GHR: variants seen among roughly 807,000 people sequenced by gnomAD.
GHR encodes the protein GH receptor.
Under a neutral mutation model 67.1 loss-of-function variants are expected in GHR, and 35 were observed. The observed-to-expected ratio is 0.52, with a 90% CI of 0.40 to 0.69. GHR has a LOEUF of 0.69. Ranked by LOEUF, GHR falls within the 30% of genes least tolerant of loss-of-function variation. GHR has a pLI of 0.00. For missense variants in GHR, 792 were observed against 764.6 expected, an observed-to-expected ratio of 1.04 and a Z score of -0.42; for synonymous variants, 272 against 269.1, an observed-to-expected ratio of 1.01 and a Z score of -0.10.
intron 1 of GHR, among the ~76,000 whole-genome samples, chr5:42,510,427 C>A (rs752956777): frequency 2.0e-5 from 3 of 152,130 alleles, no homozygotes; most frequent in Non-Finnish European, 4.4e-5. Context: ...TGATCTGGTT[C>A]CCTGAAATCC....
chr5:42,661,402 T>C (rs1259952966), intron 3 of GHR, among the ~76,000 whole-genome samples: 4 of 152,174 alleles, frequency 2.6e-5, no homozygotes, highest in African/African-American at 9.7e-5. Context: ...TAACAGCTAA[T>C]CTCTTGGCAG....
intron 1 of GHR, among the ~76,000 whole-genome samples, chr5:42,534,557 C>G (rs1748171619): frequency 6.6e-6 from 1 of 151,278 alleles, no homozygotes; most frequent in Non-Finnish European, 1.5e-5. Flanking sequence ...TCTTTATCCA[C>G]TCGTTGATTG....
intron 1 of GHR, among the ~76,000 whole-genome samples, chr5:42,562,930 T>G (rs1172289490): frequency 6.6e-6 from 1 of 152,158 alleles, no homozygotes; most frequent in East Asian, 1.9e-4. Flanking sequence ...ATTACAGGCA[T>G]GAGCCACCAC....
At chr5:42,619,738 G>A (rs1753343663) in intron 2 of GHR, 2 of 152,282 alleles carry the variant, frequency 1.3e-5, no homozygotes, top group East Asian at 3.9e-4. Flanking sequence ...ACGAGACACA[G>A]AGTGGCAGGA....
intron 1 of GHR, chr5:42,550,127 C>G: frequency 5.3e-6 from 5 of 938,948 alleles, no homozygotes; most frequent in Non-Finnish European, 6.3e-6. Context: ...GTAAGTGTGT[C>G]TTCTTGCTAC....
intron 4 of GHR, among the ~76,000 whole-genome samples, chr5:42,694,090 A>G (rs1320621514): frequency 1.3e-5 from 2 of 152,146 alleles, no homozygotes; most frequent in African/African-American, 2.4e-5. Flanking sequence ...TGCTAAAAAC[A>G]TACCTCCACC....
Position 42,681,829 on chromosome 5 carries a change from G to A in GHR, c.137-7061G>A, listed in dbSNP as rs544414930. Among the ~76,000 whole-genome samples, 11 of 151,684 alleles carry A rather than the reference G, an allele frequency of 7.3e-5. No homozygotes were observed. The South Asian group carries it at 1.9e-3, about 26-fold the overall frequency. ...CGGGCGCCTGTAGTCCCAGCTACTC[G>A]GGAGGCTGAGGCAGGAGAATGGCAT... On this transcript the variant is annotated intron_variant, in intron 3 of 9. Coordinates refer to ENST00000230882, the MANE Select transcript of GHR (RefSeq NM_000163.5).
chr5:42,606,790 C>T (rs972087596), intron 2 of GHR, among the ~76,000 whole-genome samples: 2 of 152,156 alleles, frequency 1.3e-5, no homozygotes, highest in South Asian at 4.2e-4. Context: ...AAACCCCTAC[C>T]AGAGAGAAAC....
intron 3 of GHR, 38 bp from the exon 4 acceptor site, chr5:42,688,852 C>G (rs778906663): frequency 6.2e-7 from 1 of 1,604,670 alleles, no homozygotes; most frequent in African/African-American, 1.3e-5. Context: ...ATATGACTCA[C>G]CTGATTTCAT....
chr5:42,661,299 T>C (rs988465793), intron 3 of GHR, among the ~76,000 whole-genome samples: 1 of 152,062 alleles, frequency 6.6e-6, no homozygotes, highest in Admixed American at 6.6e-5. Context: ...AGACACATAA[T>C]TGTCAGATTC....
In GHR at chr5:42,673,998, C is replaced by A. The variant is rs575402662; in HGVS notation, c.137-14892C>A. 1.5e-3 allele frequency among the ~76,000 whole-genome samples: 226 copies of A among 152,206 alleles called. 1 individual carries two copies. Among genetic ancestry groups the A allele is most frequent in the African/African-American group, 5.2e-3 (218 of 41,538 alleles). On this transcript the variant is annotated intron_variant, in intron 3 of 9. Transcript: ENST00000230882. ...TTTTTAATTTTCCAGGTGACTCTAA[C>A]ATTCAATAATTATTTTAAATAATTA...
intron 2 of GHR, among the ~76,000 whole-genome samples, chr5:42,588,961 T>C (rs1421338737): frequency 6.6e-6 from 1 of 152,214 alleles, no homozygotes; most frequent in Non-Finnish European, 1.5e-5. Context: ...CATCACCTGC[T>C]TCACCGAAAT....
In GHR at chr5:42,626,327, G is replaced by A. The variant is rs139150750; in HGVS notation, c.71-2711G>A. Among the ~76,000 whole-genome samples the A allele has an allele frequency of 9.3e-4, 142 of 152,230 alleles. 1 individual carries two copies. Among genetic ancestry groups the A allele is most frequent in the African/African-American group, 3.1e-3 (128 of 41,522 alleles). ...CTTCTAGCCAGTCAGCTGTAAATTG[G>A]TGTTCCCACAACCTCCCCCTCCGGT... On this transcript the variant is annotated intron_variant, in intron 2 of 9. Transcript: ENST00000230882.
At chr5:42,607,122 G>A (rs1752667035) in intron 2 of GHR, among the ~76,000 whole-genome samples, 1 of 152,118 alleles carries the variant, frequency 6.6e-6, no homozygotes, top group South Asian at 2.1e-4. Flanking sequence ...CTGCCACCAT[G>A]TAAGATTTGC....
intron 1 of GHR, among the ~76,000 whole-genome samples, chr5:42,466,310 C>A (rs1654169585): frequency 6.6e-6 from 1 of 152,116 alleles, no homozygotes; most frequent in Admixed American, 6.5e-5. Flanking sequence ...AGGAAAAAGG[C>A]CATTTCCTGT....
At chr5:42,517,164 A>G (rs1192194253) in intron 1 of GHR, among the ~76,000 whole-genome samples, 1 of 152,194 alleles carries the variant, frequency 6.6e-6, no homozygotes, top group East Asian at 1.9e-4. Context: ...CTTTCCTCTA[A>G]GAATGACATT....
chr5:42,587,492 G>T (rs1751538695), intron 2 of GHR, among the ~76,000 whole-genome samples: 1 of 152,144 alleles, frequency 6.6e-6, no homozygotes, highest in Non-Finnish European at 1.5e-5. Flanking sequence ...CAGAGGGTCA[G>T]GGAAAGCCAC....
intron 3 of GHR, among the ~76,000 whole-genome samples, chr5:42,685,746 T>A (rs1443719775): frequency 6.6e-6 from 1 of 152,246 alleles, no homozygotes; most frequent in Non-Finnish European, 1.5e-5. Flanking sequence ...TGTCTTCTTT[T>A]GAGAAGTGTC....
intron 1 of GHR, among the ~76,000 whole-genome samples, chr5:42,430,063 C>A (rs1420501904): frequency 6.6e-6 from 1 of 152,228 alleles, no homozygotes; most frequent in Non-Finnish European, 1.5e-5. Context: ...CTTGCCAATG[C>A]CACAGGAAAG....
Sources: gnomAD v4.1 joint callset for allele counts (sites outside exome capture counted in the v4.1 genomes callset) on GRCh38, gnomAD v4.1.1 for gene constraint, MANE v1.5 for transcripts, NCBI Gene and HGNC (gene_info 2026-07-23, HGNC 2026-07-21) for gene names.